The following OTUD7B variants were observed in gnomAD, a reference collection of about 807,000 sequenced individuals.
OTUD7B encodes the protein OTU deubiquitinase 7B, also known as OTU domain-containing protein 7B.
In OTUD7B, 34 loss-of-function variants were observed where a neutral mutation model predicts 82.2. The observed-to-expected ratio is 0.41, with a 90% CI of 0.31 to 0.55. The LOEUF (loss-of-function observed/expected upper bound fraction) is 0.55, where lower values mean the gene tolerates loss of function less well. OTUD7B is among the 20% of genes least tolerant of loss of function. OTUD7B has a pLI of 0.20. For synonymous variants in OTUD7B, 398 were observed against 402.7 expected (o/e 0.99, Z 0.14); for missense variants, 944 against 1,062.1 (o/e 0.89, Z 1.55).
Position 149,940,276 on chromosome 1 carries a change from A to G in OTUD7B, c.*3581T>C, listed in dbSNP as rs1384850730. 1 of 151,332 alleles carries G rather than the reference A, an allele frequency of 6.6e-6. No individual in the cohort carries two copies. Among genetic ancestry groups the G allele is most frequent in the Non-Finnish European group, 1.5e-5 (1 of 67,916 alleles). 9.4% of individuals were successfully genotyped at this position (151,332 alleles called of 1,614,324 possible). ...GTACTTCCCTTCCACTGCCCTCTAC[A>G]GCACTGAGTTTAACACCATCTCCAC... On this transcript the variant is annotated 3_prime_UTR_variant, in exon 12 of 12. Coordinates refer to ENST00000581312, the MANE Select transcript of OTUD7B (RefSeq NM_020205.4).
the OTUD7B span, chr1:150,067,611 G>A: frequency 2.0e-6 from 1 of 502,026 alleles, no homozygotes; most frequent in Non-Finnish European, 3.5e-6. Context: ...CCGCAGGTGG[G>A]TGGAGAATAA....
At chr1:150,052,872 A>G in the OTUD7B span, among the ~76,000 whole-genome samples, 24,413 of 151,246 alleles carry the variant, frequency 0.16, 2,162 homozygotes, top group African/African-American at 0.21. Context: ...GCAGAGTCCA[A>G]AAATAAGGCC....
chr1:150,051,156 G>A, the OTUD7B span, among the ~76,000 whole-genome samples: 2 of 142,158 alleles, frequency 1.4e-5, no homozygotes, highest in African/African-American at 5.2e-5. Context: ...TTGAACCCAG[G>A]AAGCAGAGGT....
the OTUD7B span, among the ~76,000 whole-genome samples, chr1:150,066,073 G>A: frequency 3.3e-5 from 5 of 152,094 alleles, no homozygotes; most frequent in South Asian, 2.1e-4. The surrounding 1 kb of genome is among the most constrained non-coding windows in gnomAD (Gnocchi z 4.6). Flanking sequence ...TCATAGACAA[G>A]TCTTTATCTC....
chr1:150,048,729 A>G, the OTUD7B span, among the ~76,000 whole-genome samples: 2 of 152,194 alleles, frequency 1.3e-5, no homozygotes, highest in African/African-American at 4.8e-5. Flanking sequence ...TAAACAAGAC[A>G]TACACAGTAT....
At chr1:150,056,022 C>T in the OTUD7B span, among the ~76,000 whole-genome samples, 1 of 151,874 alleles carries the variant, frequency 6.6e-6, no homozygotes, top group Non-Finnish European at 1.5e-5. Flanking sequence ...GCACATGTAC[C>T]CCCGAACCTA....
intron 1 of OTUD7B, among the ~76,000 whole-genome samples, chr1:149,980,002 C>T (rs1650605076): frequency 6.6e-6 from 1 of 151,906 alleles, no homozygotes; most frequent in Admixed American, 6.6e-5. Context: ...ACAATAAGTA[C>T]ACAAAATAGT....
At chr1:150,028,509 T>C in the OTUD7B span, among the ~76,000 whole-genome samples, 1 of 152,198 alleles carries the variant, frequency 6.6e-6, no homozygotes, top group Non-Finnish European at 1.5e-5. Context: ...AGCACATCAA[T>C]ATTGTTGTGC....
chr1:150,066,433 G>A, the OTUD7B span, among the ~76,000 whole-genome samples: 3 of 151,936 alleles, frequency 2.0e-5, no homozygotes, highest in Admixed American at 1.3e-4. The surrounding 1 kb of genome is among the most constrained non-coding windows in gnomAD (Gnocchi z 4.6). Context: ...AAAGCTGAAA[G>A]AAAAAAAACA....
chr1:149,949,671 C>G lies in OTUD7B; in HGVS notation c.1081G>C (p.Ala361Pro). 2 of 1,614,132 alleles carry G rather than the reference C, an allele frequency of 1.2e-6. No homozygotes were observed. Among genetic ancestry groups the G allele is most frequent in the South Asian group, 2.2e-5 (2 of 91,082 alleles). Residue 361 changes from alanine (A) to proline (P), a missense_variant, in exon 9 of 12, where the codon GCA (alanine) becomes CCA (proline). Physicochemically the swap from Ala to Pro is conservative, Grantham distance 27. Coordinates refer to ENST00000581312, the MANE Select transcript of OTUD7B (RefSeq NM_020205.4). ...VLAYDQAHFS[A>P]LVSMEQKENT... is the part of the protein sequence containing the mutation. ...TCCTTCTGCTCCATGGACACGAGTG[C>G]AGAAAAGTGGGCCTGATCATAGGCG...
At chr1:149,954,508 C>CT (rs1648511218) in intron 7 of OTUD7B, among the ~76,000 whole-genome samples, 1 of 152,042 alleles carries the variant, frequency 6.6e-6, no homozygotes, top group African/African-American at 2.4e-5. Flanking sequence ...CTAAAATTCT[C>CT]TTTTTTTGTT....
chr1:150,025,716 A>G, the OTUD7B span, among the ~76,000 whole-genome samples: 3 of 152,212 alleles, frequency 2.0e-5, no homozygotes. Flanking sequence ...TGATCAGACC[A>G]TATTGGGTCA....
intron 1 of OTUD7B, among the ~76,000 whole-genome samples, chr1:149,979,366 A>G (rs1423716339): frequency 6.6e-6 from 1 of 152,274 alleles, no homozygotes; most frequent in East Asian, 1.9e-4. Context: ...CTCACACTAC[A>G]TGAGTTTACC....
At chr1:150,042,104 A>ACCCCCCCCCCCCCCCCCCCCCCCC in the OTUD7B span, among the ~76,000 whole-genome samples, 1 of 55,890 alleles carries the variant, frequency 1.8e-5, no homozygotes, top group Non-Finnish European at 3.5e-5. Flanking sequence ...AGAGGTGCAG[A>ACCCCCCCCCCCCCCCCCCCCCCCC]CCCTCCCTCC....
At chr1:149,978,234 C>A (rs1455121771) in intron 1 of OTUD7B, among the ~76,000 whole-genome samples, 1 of 152,164 alleles carries the variant, frequency 6.6e-6, no homozygotes, top group East Asian at 1.9e-4. Context: ...AGGCCAGGTG[C>A]GGTGGCTCAC....
At chr1:150,050,284 AAAAT>A in the OTUD7B span, among the ~76,000 whole-genome samples, 1 of 152,212 alleles carries the variant, frequency 6.6e-6, no homozygotes, top group East Asian at 1.9e-4. Flanking sequence ...AAATCAAGTA[AAAAT>A]AAATAAAAGA....
At chr1:150,049,731 A>G in the OTUD7B span, among the ~76,000 whole-genome samples, 1 of 147,878 alleles carries the variant, frequency 6.8e-6, no homozygotes, top group Non-Finnish European at 1.5e-5. Flanking sequence ...CTAGGACCAC[A>G]GGTGCAAACC....
At chr1:149,985,828 A>G (rs1553780644) in intron 1 of OTUD7B, among the ~76,000 whole-genome samples, 1 of 151,800 alleles carries the variant, frequency 6.6e-6, no homozygotes, top group African/African-American at 2.4e-5. Flanking sequence ...TCTACCTCCC[A>G]TTATTCCCTT....
the OTUD7B span, among the ~76,000 whole-genome samples, chr1:150,034,061 A>G: frequency 2.0e-5 from 3 of 152,180 alleles, no homozygotes; most frequent in African/African-American, 7.2e-5. Flanking sequence ...AACACTGAGG[A>G]TCACACAGGT....
Sources: allele counts gnomAD v4.1 joint callset (sites outside exome capture counted in the v4.1 genomes callset), GRCh38; gene constraint gnomAD v4.1.1; non-coding constraint Gnocchi (gnomAD v3.1); transcripts MANE v1.5; gene names NCBI Gene and HGNC (gene_info 2026-07-23, HGNC 2026-07-21).